The following CMTM8 variants were observed in gnomAD, a reference collection of about 807,000 sequenced individuals.
CMTM8 encodes CKLF-like MARVEL transmembrane domain-containing protein 8.
A neutral mutation model predicts 18.6 loss-of-function variants in CMTM8; 12 were observed. The ratio of observed to expected loss-of-function variants is 0.65; its 90% CI spans 0.41 to 1.05. CMTM8 has a LOEUF of 1.05. Among genes scored for constraint, CMTM8 ranks in the 50% least tolerant of loss-of-function variants. The probability of loss-of-function intolerance (pLI) is 0.00; values close to 1 mark genes in which losing one functional copy is unlikely to be tolerated. For missense variants in CMTM8, 217 were observed against 227.2 expected, an observed-to-expected ratio of 0.95 and a Z score of 0.29; for synonymous variants, 87 against 90.6, an observed-to-expected ratio of 0.96 and a Z score of 0.23.
chr3:32,254,264 A>G (rs944860809), intron 1 of CMTM8, among the ~76,000 whole-genome samples: 7 of 152,198 alleles, frequency 4.6e-5, no homozygotes, highest in Admixed American at 3.3e-4. Flanking sequence ...TGAACAATTG[A>G]GTGGCATTTA....
chr3:32,280,828 A>C (rs1319379827), intron 1 of CMTM8, among the ~76,000 whole-genome samples: 3 of 141,680 alleles, frequency 2.1e-5, no homozygotes, highest in African/African-American at 8.0e-5. Flanking sequence ...GTAGGTCTCC[A>C]ACACGAGAGA....
At chr3:32,287,834 T>C (rs535656982) in intron 1 of CMTM8, among the ~76,000 whole-genome samples, 266 of 152,206 alleles carry the variant, frequency 1.7e-3, no homozygotes, top group African/African-American at 6.2e-3. Flanking sequence ...GATAGGAAAA[T>C]TATCTGGAGG....
At chr3:32,290,868 T>A (rs1386499683) in intron 1 of CMTM8, among the ~76,000 whole-genome samples, 4 of 152,186 alleles carry the variant, frequency 2.6e-5, no homozygotes, top group African/African-American at 9.6e-5. Flanking sequence ...CAGCAAAGGC[T>A]TGTAGCAGCT....
chr3:32,270,860 A>G (rs147535404), intron 1 of CMTM8, among the ~76,000 whole-genome samples: 391 of 152,246 alleles, frequency 2.6e-3, no homozygotes, highest in Admixed American at 5.2e-3. Context: ...CCTCAAACTT[A>G]AAGTATAATA....
intron 2 of CMTM8, among the ~76,000 whole-genome samples, chr3:32,360,558 T>A (rs1487613754): frequency 6.6e-6 from 1 of 152,228 alleles, no homozygotes. Flanking sequence ...TAAACTTCCA[T>A]ATTTTCCACT....
chr3:32,349,108 A>G (rs1028044619), intron 1 of CMTM8, among the ~76,000 whole-genome samples: 3 of 151,912 alleles, frequency 2.0e-5, no homozygotes, highest in Non-Finnish European at 4.4e-5. Flanking sequence ...ACCCCTTCAA[A>G]GTTACTTTCT....
chr3:32,268,559 G>A (rs939647628), intron 1 of CMTM8, among the ~76,000 whole-genome samples: 2 of 147,576 alleles, frequency 1.4e-5, no homozygotes, highest in African/African-American at 2.5e-5. Context: ...AAACTTGCAC[G>A]TTGTGCACAT....
intron 1 of CMTM8, among the ~76,000 whole-genome samples, chr3:32,273,231 G>A (rs1220064917): frequency 1.3e-5 from 2 of 150,798 alleles, no homozygotes; most frequent in African/African-American, 4.9e-5. Context: ...TAAAGTGCTG[G>A]GATTACAGAT....
chr3:32,248,855 G>C (rs1260358113), intron 1 of CMTM8, among the ~76,000 whole-genome samples: 2 of 151,614 alleles, frequency 1.3e-5, no homozygotes, highest in Non-Finnish European at 2.9e-5. Context: ...ATTTTTTGTA[G>C]AGACAGGGTC....
chr3:32,303,718 A>G (rs946230240), intron 1 of CMTM8, among the ~76,000 whole-genome samples: 4 of 151,888 alleles, frequency 2.6e-5, no homozygotes, highest in Non-Finnish European at 5.9e-5. Flanking sequence ...CTCCTCACTT[A>G]CATTTGCCAG....
chr3:32,361,289 T>TTTTTTTTGTTTTTTTGTTTTTG (rs200857947), intron 2 of CMTM8, among the ~76,000 whole-genome samples: 1 of 143,646 alleles, frequency 7.0e-6, no homozygotes, highest in Non-Finnish European at 1.5e-5. Context: ...CCTAAGAGTT[T>TTTTTTTTGTTTTTTTGTTTTTG]TTTTTTCTTT....
At chr3:32,251,480 A>T (rs2125531559) in intron 1 of CMTM8, among the ~76,000 whole-genome samples, 1 of 79,034 alleles carries the variant, frequency 1.3e-5, no homozygotes, top group African/African-American at 5.3e-5. Context: ...CACCCCGCTA[A>T]TTTTTTGTAT....
chr3:32,369,787 A>C, intron 3 of CMTM8, 97 bp from the exon 4 acceptor site: 1 of 650,776 alleles, frequency 1.5e-6, no homozygotes, highest in South Asian at 2.4e-5. Context: ...TATCAAGAAA[A>C]GGTAGTGAGT....
chr3:32,312,412 T>A (rs1695837486), intron 1 of CMTM8, among the ~76,000 whole-genome samples: 1 of 152,116 alleles, frequency 6.6e-6, no homozygotes, highest in African/African-American at 2.4e-5. Context: ...CTAGAACAGC[T>A]CACAGAACTC....
chr3:32,273,301 A>G (rs1034580161), intron 1 of CMTM8, among the ~76,000 whole-genome samples: 13 of 152,014 alleles, frequency 8.6e-5, no homozygotes, highest in African/African-American at 3.1e-4. Context: ...GCATGAAAAG[A>G]AAGTATCCCA....
At chr3:32,267,741 A>C (rs1702370147) in intron 1 of CMTM8, among the ~76,000 whole-genome samples, 1 of 152,242 alleles carries the variant, frequency 6.6e-6, no homozygotes, top group Non-Finnish European at 1.5e-5. Flanking sequence ...CAAGGAACTC[A>C]AACAAATTTA....
chr3:32,298,956 T>TG (rs34213042), intron 1 of CMTM8, among the ~76,000 whole-genome samples: 1 of 129,292 alleles, frequency 7.7e-6, no homozygotes, highest in Admixed American at 7.9e-5. Context: ...TATATATATA[T>TG]TTTTTTTTTT....
At chr3:32,258,635 G>A (rs1357352917) in intron 1 of CMTM8, among the ~76,000 whole-genome samples, 1 of 151,990 alleles carries the variant, frequency 6.6e-6, no homozygotes, top group African/African-American at 2.4e-5. Flanking sequence ...TTAGCCTCCT[G>A]AGTAGCTGGG....
At chr3:32,331,894 G>C (rs116705298) in intron 1 of CMTM8, among the ~76,000 whole-genome samples, 1 of 152,144 alleles carries the variant, frequency 6.6e-6, no homozygotes, top group Non-Finnish European at 1.5e-5. Context: ...GTGCAAGGGG[G>C]AGTTCCTATT....
Sources: allele counts gnomAD v4.1 joint callset (sites outside exome capture counted in the v4.1 genomes callset), GRCh38; gene constraint gnomAD v4.1.1; transcripts MANE v1.5; gene names NCBI Gene and HGNC (gene_info 2026-07-23, HGNC 2026-07-21).